Variants in PCSK2 observed in about 807,000 individuals in gnomAD.
PCSK2 encodes proprotein convertase subtilisin/kexin type 2.
A neutral mutation model predicts 69.7 loss-of-function variants in PCSK2; 14 were observed. The observed-to-expected ratio is 0.20, with a 90% CI of 0.13 to 0.31. The LOEUF is 0.31. Among genes scored for constraint, PCSK2 ranks in the 10% least tolerant of loss-of-function variants. The probability of loss-of-function intolerance (pLI) is 1.00; values close to 1 mark genes in which losing one functional copy is unlikely to be tolerated. For missense variants in PCSK2, 544 were observed against 842.5 expected, an observed-to-expected ratio of 0.65 and a Z score of 4.39; for synonymous variants, 307 against 320.7, an observed-to-expected ratio of 0.96 and a Z score of 0.46.
intron 5 of PCSK2, among the ~76,000 whole-genome samples, chr20:17,381,744 G>C (rs2031091792): frequency 6.6e-6 from 1 of 152,080 alleles, no homozygotes; most frequent in Non-Finnish European, 1.5e-5. Flanking sequence ...TTCTGGTATG[G>C]GTATTGGACC....
intron 6 of PCSK2, among the ~76,000 whole-genome samples, chr20:17,415,786 T>C (rs1568640031): frequency 6.6e-6 from 1 of 152,098 alleles, no homozygotes; most frequent in African/African-American, 2.4e-5. Context: ...CAAACCATAA[T>C]ACAAGGCTAC....
At chr20:17,360,175 G>A (rs997969619) in intron 3 of PCSK2, among the ~76,000 whole-genome samples, 1 of 152,172 alleles carries the variant, frequency 6.6e-6, no homozygotes, top group Non-Finnish European at 1.5e-5. Flanking sequence ...GAAACAAAGA[G>A]CTATGAAAGT....
At chr20:17,287,226 C>A (rs975622311) in intron 2 of PCSK2, among the ~76,000 whole-genome samples, 1 of 152,162 alleles carries the variant, frequency 6.6e-6, no homozygotes. Flanking sequence ...CGTGGCCTAG[C>A]CCAGTTGACA....
At chr20:17,249,472 A>G (rs1309752614) in intron 1 of PCSK2, among the ~76,000 whole-genome samples, 1 of 142,454 alleles carries the variant, frequency 7.0e-6, no homozygotes, top group African/African-American at 2.7e-5. Flanking sequence ...GCGCCACTGC[A>G]CTCCAGACTG....
rs36062712 is a variant in PCSK2, at chr20:17,398,523, C to CAAAAA, written c.544-10721_544-10717dup. ...TGGGTTACAGAGTGAGATCCTGTCT[C>CAAAAA]AAAAAAAAAAAAAAAAAAAAAAATG... On this transcript the variant is annotated intron_variant, in intron 5 of 11. Transcript: ENST00000262545. Among the ~76,000 whole-genome samples the CAAAAA allele has an allele frequency of 4.9e-4, 42 of 85,200 alleles. 1 individual carries two copies. In the East Asian group the frequency reaches 0.014, roughly 29 times the overall value. 55.9% of individuals were successfully genotyped at this position (85,200 alleles called of 152,430 possible). A position where few individuals can be genotyped will look rare whatever the true frequency, so the allele number is the denominator to read the frequency against.
Position 17,291,605 on chromosome 20 carries a change from T to A in PCSK2, c.282+31261T>A, listed in dbSNP as rs533702510. 2.6e-5 allele frequency among the ~76,000 whole-genome samples: 4 copies of A among 152,298 alleles called. No individual in the cohort carries two copies. The East Asian group carries it at 7.7e-4, about 29-fold the overall frequency. ...AGGGTATATATATTTGTAATTTTGA[T>A]GGATGCTACCAATTGTCCTCCACAG... On this transcript the variant is annotated intron_variant, in intron 2 of 11. Coordinates refer to ENST00000262545, the MANE Select transcript of PCSK2 (RefSeq NM_002594.5).
intron 5 of PCSK2, among the ~76,000 whole-genome samples, chr20:17,372,523 T>G (rs778615529): frequency 6.6e-5 from 10 of 152,172 alleles, no homozygotes; most frequent in Non-Finnish European, 1.5e-4. Flanking sequence ...GGGATGTTAT[T>G]GAAGAGATGA....
chr20:17,428,789 A>G (rs769752994), intron 6 of PCSK2, among the ~76,000 whole-genome samples: 11 of 151,996 alleles, frequency 7.2e-5, no homozygotes, highest in Non-Finnish European at 1.2e-4. Flanking sequence ...GCTTGAGCCC[A>G]GGAGTTTGAG....
chr20:17,280,293 G>A (rs945996942), intron 2 of PCSK2, among the ~76,000 whole-genome samples: 9 of 152,190 alleles, frequency 5.9e-5, no homozygotes, highest in African/African-American at 2.2e-4. Flanking sequence ...ATTCCAAAAT[G>A]TAGATATACT....
intron 6 of PCSK2, among the ~76,000 whole-genome samples, chr20:17,420,657 A>C (rs1323725566): frequency 6.6e-6 from 1 of 152,222 alleles, no homozygotes; most frequent in Non-Finnish European, 1.5e-5. Flanking sequence ...TTGTAAGCTA[A>C]TGTGTACATG....
chr20:17,378,201 TAGAGAAAG>T (rs2030983249), intron 5 of PCSK2, among the ~76,000 whole-genome samples: 1 of 152,062 alleles, frequency 6.6e-6, no homozygotes, highest in Non-Finnish European at 1.5e-5. Context: ...CCTAAAAAAT[TAGAGAAAG>T]AAAGATACTT....
chr20:17,307,838 C>A (rs1195246991), intron 2 of PCSK2, among the ~76,000 whole-genome samples: 1 of 152,144 alleles, frequency 6.6e-6, no homozygotes, highest in Non-Finnish European at 1.5e-5. Context: ...TATAAAAAAA[C>A]ACCTCAGACT....
intron 2 of PCSK2, among the ~76,000 whole-genome samples, chr20:17,342,984 G>A (rs920519056): frequency 6.6e-6 from 1 of 152,046 alleles, no homozygotes. Context: ...AACACAGCGA[G>A]GTTCCTGCTA....
intron 2 of PCSK2, among the ~76,000 whole-genome samples, chr20:17,268,061 AT>A (rs1386723920): frequency 7.4e-4 from 107 of 145,154 alleles, no homozygotes; most frequent in African/African-American, 2.6e-3. Flanking sequence ...ATATATATAT[AT>A]AATGCATTTA....
At chr20:17,429,127 T>C (rs376705914) in intron 6 of PCSK2, among the ~76,000 whole-genome samples, 2 of 151,792 alleles carry the variant, frequency 1.3e-5, no homozygotes, top group African/African-American at 4.8e-5. Context: ...GAATGCTGTT[T>C]GGGTCTGAAA....
chr20:17,277,140 T>C (rs1022843812), intron 2 of PCSK2, among the ~76,000 whole-genome samples: 1 of 152,142 alleles, frequency 6.6e-6, no homozygotes, highest in African/African-American at 2.4e-5. Context: ...ATGGCCATAC[T>C]GCCCAAGGTA....
At chr20:17,288,411 G>C (rs1988589961) in intron 2 of PCSK2, among the ~76,000 whole-genome samples, 1 of 152,180 alleles carries the variant, frequency 6.6e-6, no homozygotes, top group Non-Finnish European at 1.5e-5. Flanking sequence ...AGGGTGCAAA[G>C]ACAGCTCTGG....
At chr20:17,403,503 G>C (rs2031688790) in intron 5 of PCSK2, among the ~76,000 whole-genome samples, 1 of 152,300 alleles carries the variant, frequency 6.6e-6, no homozygotes, top group East Asian at 1.9e-4. Flanking sequence ...TTGCTTCTCA[G>C]TTTCCATACA....
intron 1 of PCSK2, among the ~76,000 whole-genome samples, chr20:17,247,613 G>T (rs919807429): frequency 6.6e-6 from 1 of 152,200 alleles, no homozygotes; most frequent in African/African-American, 2.4e-5. Flanking sequence ...AGCCTTAACT[G>T]TTCTGAGGGT....
Sources: allele counts gnomAD v4.1 joint callset (sites outside exome capture counted in the v4.1 genomes callset), GRCh38; gene constraint gnomAD v4.1.1; transcripts MANE v1.5; gene names NCBI Gene and HGNC (gene_info 2026-07-23, HGNC 2026-07-21).